Variants in MAPK4 observed in about 807,000 individuals in gnomAD.
MAPK4 encodes the protein mitogen-activated protein kinase 4.
A neutral mutation model predicts 47.7 loss-of-function variants in MAPK4; 22 were observed. That is an observed-to-expected ratio of 0.46 (90% confidence interval 0.33 to 0.66). MAPK4 has a LOEUF of 0.66. MAPK4 is among the 30% of genes least tolerant of loss of function. MAPK4 has a pLI of 0.02. For synonymous variants in MAPK4, 390 were observed against 365.7 expected (o/e 1.07, Z -0.76); for missense variants, 736 against 831.7 (o/e 0.88, Z 1.42).
chr18:50,621,610 T>C (rs919994569), intron 1 of MAPK4, among the ~76,000 whole-genome samples: 1 of 152,164 alleles, frequency 6.6e-6, no homozygotes, highest in Non-Finnish European at 1.5e-5. Context: ...TTTGACTCTT[T>C]CTCTCCAGAG....
chr18:50,697,796 G>C (rs1461084440), intron 2 of MAPK4, among the ~76,000 whole-genome samples: 1 of 152,124 alleles, frequency 6.6e-6, no homozygotes, highest in Non-Finnish European at 1.5e-5. Context: ...AATGCTCAGG[G>C]GTCCCCAGGT....
chr18:50,586,763 C>T (rs951905567), intron 1 of MAPK4, among the ~76,000 whole-genome samples: 1 of 151,970 alleles, frequency 6.6e-6, no homozygotes, highest in African/African-American at 2.4e-5. Context: ...TCCTACTGAT[C>T]CAGGGCAAGA....
chr18:50,637,633 G>A (rs1555650081), intron 1 of MAPK4, among the ~76,000 whole-genome samples: 1 of 152,196 alleles, frequency 6.6e-6, no homozygotes, highest in South Asian at 2.1e-4. Flanking sequence ...GTGTATTTGT[G>A]TGCTGGGGTT....
chr18:50,690,006 C>T (rs543810923), intron 2 of MAPK4, among the ~76,000 whole-genome samples: 20 of 152,254 alleles, frequency 1.3e-4, no homozygotes, highest in African/African-American at 4.6e-4. Context: ...TCCTAGAGGT[C>T]TCATATCAGG....
At chr18:50,567,487 C>G (rs2042208747) in intron 1 of MAPK4, among the ~76,000 whole-genome samples, 1 of 152,078 alleles carries the variant, frequency 6.6e-6, no homozygotes, top group Non-Finnish European at 1.5e-5. Context: ...GTATACATTC[C>G]AAAGAGTGAA....
At chr18:50,652,630 T>A (rs1407059545) in intron 1 of MAPK4, among the ~76,000 whole-genome samples, 3 of 152,216 alleles carry the variant, frequency 2.0e-5, no homozygotes, top group African/African-American at 7.2e-5. Context: ...GCATTTGCAC[T>A]GCTCAGATAT....
intron 2 of MAPK4, among the ~76,000 whole-genome samples, chr18:50,681,488 C>T (rs1447888065): frequency 6.6e-6 from 1 of 152,024 alleles, no homozygotes; most frequent in Non-Finnish European, 1.5e-5. Context: ...ATCTAAGAAA[C>T]CACTGTCTAA....
rs371454789 is a variant in MAPK4, at chr18:50,729,046, TG to T, written c.1068-107del. 1.5e-3 allele frequency: 1,351 copies of T among 877,264 alleles called. 2 individuals are homozygous for T. Among genetic ancestry groups the T allele is most frequent in the Non-Finnish European group, 2.2e-3 (1,236 of 566,406 alleles). 54.3% of individuals were successfully genotyped at this position (877,264 alleles called of 1,614,324 possible). On this transcript the variant is annotated intron_variant, in intron 5 of 5. Transcript: ENST00000400384. ...TCCATCACCCTCCCACCTTGAGGGA[TG>T]GGGGTCGAAGGCAGGTGTGTGAGTG...
intron 2 of MAPK4, among the ~76,000 whole-genome samples, chr18:50,702,161 CAAAAAAAA>C (rs36001271): frequency 1.0e-5 from 1 of 95,926 alleles, no homozygotes; most frequent in Non-Finnish European, 1.9e-5. Flanking sequence ...GATTCTGTCT[CAAAAAAAA>C]AAAAAAAAAA....
intron 2 of MAPK4, among the ~76,000 whole-genome samples, chr18:50,673,835 G>A (rs1451368871): frequency 2.0e-5 from 3 of 152,128 alleles, no homozygotes; most frequent in African/African-American, 4.8e-5. Flanking sequence ...CAGCCTGGGC[G>A]ACGCAGCAAG....
intron 2 of MAPK4, among the ~76,000 whole-genome samples, chr18:50,692,829 C>T (rs759228666): frequency 4.6e-5 from 7 of 152,086 alleles, no homozygotes; most frequent in Non-Finnish European, 7.3e-5. Context: ...AGGAGAACAC[C>T]GAGTTAGGAA....
At chr18:50,682,985 C>A (rs141322094) in intron 2 of MAPK4, among the ~76,000 whole-genome samples, 189 of 152,276 alleles carry the variant, frequency 1.2e-3, no homozygotes, top group African/African-American at 4.2e-3. Context: ...GAAGTAAATT[C>A]TGTGTGGTTC....
intron 2 of MAPK4, among the ~76,000 whole-genome samples, chr18:50,690,706 T>C (rs1341703170): frequency 6.6e-6 from 1 of 152,230 alleles, no homozygotes; most frequent in Non-Finnish European, 1.5e-5. Context: ...TAAACCTACT[T>C]GTCATTCCTC....
At chr18:50,711,694 A>G (rs1910373702) in intron 2 of MAPK4, among the ~76,000 whole-genome samples, 1 of 152,210 alleles carries the variant, frequency 6.6e-6, no homozygotes, top group African/African-American at 2.4e-5. Flanking sequence ...CATCCAAAAG[A>G]AGCTGAAACT....
intron 1 of MAPK4, among the ~76,000 whole-genome samples, 161 bp from the exon 2 acceptor site, chr18:50,662,928 A>T (rs1907361521): frequency 6.6e-6 from 1 of 152,240 alleles, no homozygotes; most frequent in Non-Finnish European, 1.5e-5. Flanking sequence ...GCACAGCAGG[A>T]GGGTGGCTGG....
At chr18:50,694,680 T>C (rs1253342664) in intron 2 of MAPK4, among the ~76,000 whole-genome samples, 3 of 152,078 alleles carry the variant, frequency 2.0e-5, no homozygotes, top group African/African-American at 7.2e-5. Flanking sequence ...AGAGAGGCCT[T>C]TGGTGACCCC....
Position 50,725,953 on chromosome 18 carries a change from T to A in MAPK4, c.854-9T>A. On this transcript the variant is annotated splice_polypyrimidine_tract_variant and intron_variant, in intron 4 of 5. Coordinates refer to ENST00000400384, the MANE Select transcript of MAPK4 (RefSeq NM_002747.4). ...AAATGACCTTCATGTCCGGCTTTGC[T>A]CCCTGCAGCCATCGACTTTCTGGAG... 1 of 1,612,348 alleles carries A rather than the reference T, an allele frequency of 6.2e-7. No individual in the cohort carries two copies. The highest frequency in any genetic ancestry group is 8.5e-7 in the Non-Finnish European group (1 of 1,178,488).
intron 1 of MAPK4, among the ~76,000 whole-genome samples, chr18:50,656,428 C>T (rs2043110526): frequency 6.6e-6 from 1 of 152,218 alleles, no homozygotes; most frequent in African/African-American, 2.4e-5. Flanking sequence ...ATAGGGCTGC[C>T]TCAAGAAGGA....
chr18:50,654,374 G>A (rs2043084682), intron 1 of MAPK4, among the ~76,000 whole-genome samples: 1 of 152,236 alleles, frequency 6.6e-6, no homozygotes, highest in Non-Finnish European at 1.5e-5. Context: ...AGCCAGTGTG[G>A]GAGAATTAAA....
Sources: allele counts gnomAD v4.1 joint callset (sites outside exome capture counted in the v4.1 genomes callset), GRCh38; gene constraint gnomAD v4.1.1; transcripts MANE v1.5; gene names NCBI Gene and HGNC (gene_info 2026-07-23, HGNC 2026-07-21).